CHD1: variants seen among roughly 807,000 people sequenced by gnomAD.
The protein encoded by CHD1 is ATP-dependent chromatin remodeler CHD1.
A neutral mutation model predicts 224.2 loss-of-function variants in CHD1; 36 were observed. That is an observed-to-expected ratio of 0.16 (90% CI 0.12 to 0.21). The LOEUF is 0.21. Ranked by LOEUF, CHD1 falls within the 10% of genes least tolerant of loss-of-function variation. The pLI, the probability that CHD1 is intolerant of heterozygous loss-of-function variation, is 1.00. For synonymous variants in CHD1, 668 were observed against 658.3 expected, an observed-to-expected ratio of 1.01 and a Z score of -0.23; for missense variants, 1,378 against 1,994.8, an observed-to-expected ratio of 0.69 and a Z score of 5.89.
chr5:98,909,392 T>C (rs1209847793), intron 2 of CHD1, among the ~76,000 whole-genome samples: 1 of 152,218 alleles, frequency 6.6e-6, no homozygotes, highest in Non-Finnish European at 1.5e-5. Flanking sequence ...TGTGGACTTC[T>C]ACCAGATGGC....
chr5:98,905,457 G>A lies in CHD1; in HGVS notation c.54-359C>T, dbSNP rs371873339. Among the ~76,000 whole-genome samples the A allele has an allele frequency of 5.3e-5, 8 of 152,222 alleles. No individual in the cohort carries two copies. In the South Asian group the frequency reaches 8.3e-4, roughly 16 times the overall value. ...GAGAAGTCAAGAAGTTGAAGGCATG[G>A]TACCTACCTTTATAAAGCTCTAGCA... On this transcript the variant is annotated intron_variant, in intron 2 of 35. Coordinates refer to ENST00000614616, the MANE Select transcript of CHD1 (RefSeq NM_001270.4).
intron 2 of CHD1, among the ~76,000 whole-genome samples, chr5:98,923,840 C>A (rs963681210): frequency 3.3e-5 from 5 of 152,176 alleles, no homozygotes; most frequent in Non-Finnish European, 5.9e-5. Flanking sequence ...AGCACATGAT[C>A]TGTCTGCATA....
rs866375967 is a variant in CHD1, at chr5:98,904,946, G to A, written c.206C>T (p.Ser69Phe). Reference sequence around the variant, plus strand: ...TTTTGCTTGAACTTTGTTTTCTCGGGAAGTGTCTGACTCAGACTCTGACTG... The same window carrying A: ...TTTTGCTTGAACTTTGTTTTCTCGGAAAGTGTCTGACTCAGACTCTGACTG... Reference protein sequence around the residue: ...GSQSESESDTSRENKVQAKPP... With the variant: ...GSQSESESDTFRENKVQAKPP... The change falls in exon 3 of 36, where the codon TCC becomes TTC. Residue 69 changes from serine to phenylalanine, a missense_variant. By Grantham distance (155) the Ser-to-Phe change is radical (BLOSUM62 -2). Around this residue, in one of 16 missense-constraint regions of CHD1, gnomAD observed 306 missense variants for 298.1 expected, o/e 1.03. Coordinates refer to ENST00000614616, the MANE Select transcript of CHD1 (RefSeq NM_001270.4). The A allele has an allele frequency of 1.9e-6, 3 of 1,613,416 alleles. No individual in the cohort carries two copies. Among genetic ancestry groups the A allele is most frequent in the Non-Finnish European group, 2.5e-6 (3 of 1,179,592 alleles).
chr5:98,898,040 AT>A (rs1336612433), intron 10 of CHD1, among the ~76,000 whole-genome samples: 2 of 130,156 alleles, frequency 1.5e-5, no homozygotes, highest in African/African-American at 3.6e-5. Context: ...ATCATTTACA[AT>A]TTTTTTAAGA....
At chr5:98,927,385 C>A (rs1240547145) in intron 1 of CHD1, among the ~76,000 whole-genome samples, 1 of 152,048 alleles carries the variant, frequency 6.6e-6, no homozygotes, top group Admixed American at 6.5e-5. Flanking sequence ...CCTTCCCCAG[C>A]CAGAAAGTAC....
In CHD1 at chr5:98,855,215, AAATTT is replaced by A. The variant is rs1299496627; in HGVS notation, c.*1160_*1164del. ...CAGGAGCCCACATATCCTTTTTCTTAAATTTAATTTGTCATATATAACGTTTTTAT... is the reference window on the plus strand; with the variant it reads ...CAGGAGCCCACATATCCTTTTTCTTAAATTTGTCATATATAACGTTTTTAT... On this transcript the variant is annotated 3_prime_UTR_variant, in exon 36 of 36. Coordinates refer to ENST00000614616, the MANE Select transcript of CHD1 (RefSeq NM_001270.4). 1 of 152,624 alleles carries A rather than the reference AAATTT, an allele frequency of 6.6e-6. No individual in the cohort carries two copies. Among genetic ancestry groups the A allele is most frequent in the South Asian group, 2.1e-4 (1 of 4,832 alleles). 9.5% of individuals were successfully genotyped at this position (152,624 alleles called of 1,614,324 possible). A position where few individuals can be genotyped will look rare whatever the true frequency, so the allele number is the denominator to read the frequency against.
chr5:98,863,722 A>C, intron 31 of CHD1, 136 bp from the exon 32 acceptor site: 1 of 565,878 alleles, frequency 1.8e-6, no homozygotes, highest in Non-Finnish European at 2.9e-6. Flanking sequence ...ATTAAATCTC[A>C]CTTCACAAAT....
At chr5:98,888,400 T>TTCAC (rs1450840122) in intron 16 of CHD1, among the ~76,000 whole-genome samples, 160 bp from the exon 17 acceptor site, 2 of 152,210 alleles carry the variant, frequency 1.3e-5, no homozygotes, top group African/African-American at 4.8e-5. Flanking sequence ...CCTTTACCAT[T>TTCAC]TCACTCTATG....
intron 2 of CHD1, among the ~76,000 whole-genome samples, 156 bp downstream of exon 2, chr5:98,926,178 A>T (rs569863365): frequency 7.9e-5 from 12 of 152,210 alleles, no homozygotes; most frequent in Admixed American, 1.3e-4. Flanking sequence ...AAAGGTTCGT[A>T]TATCAGAATT....
At chr5:98,872,918 G>C (rs761221671) in intron 26 of CHD1, among the ~76,000 whole-genome samples, 1 of 152,070 alleles carries the variant, frequency 6.6e-6, no homozygotes, top group African/African-American at 2.4e-5. Context: ...GACCTCCTGG[G>C]CTCAAGCAAC....
intron 25 of CHD1, 103 bp from the exon 26 acceptor site, chr5:98,873,826 C>T (rs937969461): frequency 2.9e-6 from 3 of 1,019,552 alleles, no homozygotes; most frequent in African/African-American, 3.2e-5. Context: ...CACTCTACTG[C>T]ATGCTCTATA....
chr5:98,907,994 T>C (rs1285772245), intron 2 of CHD1, among the ~76,000 whole-genome samples: 1 of 152,150 alleles, frequency 6.6e-6, no homozygotes, highest in Admixed American at 6.5e-5. Flanking sequence ...AATAAAGTAA[T>C]TTTATTTCCA....
intron 23 of CHD1, among the ~76,000 whole-genome samples, chr5:98,879,160 G>A (rs1478750461): frequency 6.6e-6 from 1 of 152,214 alleles, no homozygotes; most frequent in Admixed American, 6.5e-5. Flanking sequence ...TCTGAGGCCG[G>A]GAGGTTAAGG....
intron 2 of CHD1, among the ~76,000 whole-genome samples, chr5:98,917,078 T>C (rs750935848): frequency 6.6e-6 from 1 of 152,118 alleles, no homozygotes; most frequent in African/African-American, 2.4e-5. Context: ...TACTTCACTC[T>C]TCTCCAATGG....
intron 30 of CHD1, chr5:98,869,018 T>C (rs1337773566): frequency 3.5e-6 from 3 of 851,914 alleles, no homozygotes; most frequent in African/African-American, 1.8e-5. Context: ...GCATACCTTT[T>C]CTTCCTTTAT....
At chr5:98,878,887 A>G (rs953042328) in intron 23 of CHD1, among the ~76,000 whole-genome samples, 1 of 152,266 alleles carries the variant, frequency 6.6e-6, no homozygotes, top group Non-Finnish European at 1.5e-5. Context: ...TTAAATGCCG[A>G]TATTAGAAAA....
In CHD1 at chr5:98,926,340, T is replaced by C. The variant is rs1027119820; in HGVS notation, c.47A>G (p.Glu16Gly). Residue 16 changes from glutamate (E) to glycine (G), a missense_variant, in exon 2 of 36, where the codon GAA (glutamate) becomes GGA (glycine). Transcript: ENST00000614616. ...TAACAAAGTGCTTACTTACCTTGAT[T>C]CTCCACTACTGTTTCTAACACTTTC... ...DEESVRNSSG[E>G]SSQSDDDSGS... 6.5e-7 allele frequency: 1 copy of C among 1,527,996 alleles called. No homozygotes were observed. Among genetic ancestry groups the C allele is most frequent in the Non-Finnish European group, 8.8e-7 (1 of 1,136,060 alleles). 94.7% of individuals were successfully genotyped at this position (1,527,996 alleles called of 1,614,324 possible).
chr5:98,909,575 G>A (rs930287479), intron 2 of CHD1, among the ~76,000 whole-genome samples: 1 of 152,096 alleles, frequency 6.6e-6, no homozygotes, highest in African/African-American at 2.4e-5. Flanking sequence ...GTAAAATGGT[G>A]ACATCATTCA....
intron 25 of CHD1, 112 bp downstream of exon 25, chr5:98,874,960 C>T: frequency 1.6e-6 from 1 of 627,818 alleles, no homozygotes; most frequent in South Asian, 2.0e-5. Flanking sequence ...TTTGTAAATG[C>T]CGATTAAAAG....
Sources: allele counts gnomAD v4.1 joint callset (sites outside exome capture counted in the v4.1 genomes callset), GRCh38; gene constraint gnomAD v4.1.1; regional missense constraint gnomAD v4.1.1; transcripts MANE v1.5; gene names NCBI Gene and HGNC (gene_info 2026-07-23, HGNC 2026-07-21).